SPATA24: variants seen among roughly 807,000 people sequenced by gnomAD.
SPATA24 encodes the protein spermatogenesis-associated protein 24.
Under a neutral mutation model 28.9 loss-of-function variants are expected in SPATA24, and 21 were observed. The ratio of observed to expected loss-of-function variants is 0.73; its 90% confidence interval spans 0.52 to 1.05. SPATA24 has a LOEUF of 1.05. SPATA24 is among the 50% of genes least tolerant of loss of function. SPATA24 has a pLI of 0.00. For missense variants in SPATA24, 215 were observed against 242.9 expected (o/e 0.88, Z 0.76); for synonymous variants, 76 against 89.9 (o/e 0.85, Z 0.88).
downstream of SPATA24, chr5:139,394,850 T>C (rs1289025210): frequency 6.5e-7 from 1 of 1,531,116 alleles, no homozygotes; most frequent in Admixed American, 2.0e-5. Context: ...CGCTGGCGGC[T>C]ATTCTGGGCG....
chr5:139,403,170 G>T (rs894718591), intron 1 of SPATA24, among the ~76,000 whole-genome samples: 1 of 152,202 alleles, frequency 6.6e-6, no homozygotes, highest in East Asian at 1.9e-4. Flanking sequence ...AGGCAATTCA[G>T]TGCCTAGAGC....
At chr5:139,394,008 G>A, downstream of SPATA24, 1 of 1,550,642 alleles carries the variant, frequency 6.4e-7, no homozygotes, top group South Asian at 1.2e-5. Context: ...CCTCTCGCGG[G>A]AACCGAGTCT....
intron 4 of SPATA24, among the ~76,000 whole-genome samples, chr5:139,400,933 G>T (rs1758808836): frequency 6.6e-6 from 1 of 152,102 alleles, no homozygotes; most frequent in South Asian, 2.1e-4. Context: ...TGAGGTGGGG[G>T]ATCACCTGAG....
downstream of SPATA24, chr5:139,393,642 C>T: frequency 1.3e-6 from 2 of 1,550,332 alleles, no homozygotes; most frequent in Non-Finnish European, 1.7e-6. Flanking sequence ...AATGTGGAAT[C>T]TCCCACAGGG....
downstream of SPATA24, chr5:139,392,707 C>CCTACGGGGGAGCGCTGGGATGAG: frequency 7.1e-7 from 1 of 1,406,950 alleles, no homozygotes; most frequent in Non-Finnish European, 9.3e-7. This position sits in a 1 kb window ranked among gnomAD's most constrained non-coding sequence, Gnocchi z 5.8. Context: ...CCCTGCTGGC[C>CCTACGGGGGAGCGCTGGGATGAG]CTACGGGGGA....
At chr5:139,396,199 C>T (rs1251226693), downstream of SPATA24, 1 of 985,342 alleles carries the variant, frequency 1.0e-6, no homozygotes. Flanking sequence ...GGGTGTGTCC[C>T]CATGATCACC....
chr5:139,397,743 T>C (rs1028708826), intron 4 of SPATA24, among the ~76,000 whole-genome samples: 8 of 152,034 alleles, frequency 5.3e-5, no homozygotes, highest in Admixed American at 1.3e-4. Flanking sequence ...TTAGTAGAGA[T>C]GGGGTTTCAC....
At chr5:139,403,827 A>T in intron 1 of SPATA24, 117 bp downstream of exon 1, 2 of 859,048 alleles carry the variant, frequency 2.3e-6, no homozygotes, top group Non-Finnish European at 3.7e-6. Context: ...CCTCCTCCTG[A>T]TGACGCCATG....
chr5:139,393,822 C>G (rs1581395668), downstream of SPATA24: 1 of 1,551,310 alleles, frequency 6.4e-7, no homozygotes, highest in East Asian at 2.4e-5. Context: ...TCCGAGTAGT[C>G]CGATCCCACG....
At chr5:139,394,578 G>A, downstream of SPATA24, 5 of 1,527,460 alleles carry the variant, frequency 3.3e-6, no homozygotes, top group Non-Finnish European at 3.5e-6. Context: ...CTAGGTAGGT[G>A]GCCCAGCGGG....
downstream of SPATA24, chr5:139,393,363 A>G (rs1212534001): frequency 1.3e-6 from 2 of 1,551,382 alleles, no homozygotes; most frequent in Middle Eastern, 1.7e-4. Context: ...CTCCAAAGGC[A>G]AGATCTGAAA....
downstream of SPATA24, chr5:139,395,802 T>A (rs866863820): frequency 1.3e-5 from 2 of 152,420 alleles, no homozygotes; most frequent in East Asian, 3.9e-4. Flanking sequence ...GCTTTCAGTC[T>A]GCCTCAGCAC....
At chr5:139,403,358 A>G (rs1758863062) in intron 1 of SPATA24, among the ~76,000 whole-genome samples, 1 of 152,224 alleles carries the variant, frequency 6.6e-6, no homozygotes, top group South Asian at 2.1e-4. Context: ...CCTTCTTATC[A>G]AGACAGGAAA....
downstream of SPATA24, chr5:139,393,756 A>G (rs1266651786): frequency 6.4e-7 from 1 of 1,551,420 alleles, no homozygotes; most frequent in Admixed American, 2.0e-5. Context: ...CCTCGACGGC[A>G]GGATTTTGAT....
downstream of SPATA24, chr5:139,395,634 C>G (rs1408869150): frequency 6.5e-6 from 1 of 152,750 alleles, no homozygotes; most frequent in Non-Finnish European, 1.5e-5. Context: ...CACCACCTTT[C>G]TTGACCCCAG....
chr5:139,400,130 G>A (rs558809567), intron 4 of SPATA24, among the ~76,000 whole-genome samples: 1 of 152,214 alleles, frequency 6.6e-6, no homozygotes, highest in South Asian at 2.1e-4. Context: ...TCTTCCCAGT[G>A]AGAGCACTCA....
chr5:139,395,261 C>G, downstream of SPATA24: 1 of 519,188 alleles, frequency 1.9e-6, no homozygotes, highest in South Asian at 4.6e-5. Context: ...CTTCCCTGTC[C>G]AGCCCCCATG....
At chr5:139,395,295 A>T, downstream of SPATA24, 1 of 426,790 alleles carries the variant, frequency 2.3e-6, no homozygotes, top group Non-Finnish European at 4.0e-6. Flanking sequence ...CTTCTCAGGC[A>T]CAAGCCGGAG....
intron 4 of SPATA24, among the ~76,000 whole-genome samples, chr5:139,399,803 G>A (rs2152078791): frequency 6.6e-6 from 1 of 152,292 alleles, no homozygotes; most frequent in East Asian, 1.9e-4. Flanking sequence ...ATATTCTGGG[G>A]GAGGCAGCCA....
Sources: allele counts gnomAD v4.1 joint callset (sites outside exome capture counted in the v4.1 genomes callset), GRCh38; gene constraint gnomAD v4.1.1; non-coding constraint Gnocchi (gnomAD v3.1); transcripts MANE v1.5; gene names NCBI Gene and HGNC (gene_info 2026-07-23, HGNC 2026-07-21).